PTPRO: variants seen among roughly 807,000 people sequenced by gnomAD.
PTPRO encodes protein tyrosine phosphatase receptor type O, also known as receptor-type tyrosine-protein phosphatase O.
Under a neutral mutation model 145.2 loss-of-function variants are expected in PTPRO, and 62 were observed. The observed-to-expected ratio is 0.43, with a 90% CI of 0.35 to 0.53. PTPRO has a LOEUF of 0.53. Ranked by LOEUF, PTPRO falls within the 20% of genes least tolerant of loss-of-function variation. The pLI is 0.01. For synonymous variants in PTPRO, 565 were observed against 514.7 expected (o/e 1.10, Z -1.32); for missense variants, 1,345 against 1,482.7 (o/e 0.91, Z 1.53).
At chr12:15,479,061 G>C (rs1048899911) in intron 1 of PTPRO, among the ~76,000 whole-genome samples, 3 of 152,162 alleles carry the variant, frequency 2.0e-5, no homozygotes, top group Non-Finnish European at 2.9e-5. Flanking sequence ...AGACTCCAGG[G>C]AGGAACAGAA....
intron 2 of PTPRO, 58 bp downstream of exon 2, chr12:15,484,305 G>A (rs764596394): frequency 4.3e-4 from 682 of 1,596,170 alleles, no homozygotes; most frequent in Non-Finnish European, 5.2e-4. Context: ...GTTTCTTCCC[G>A]TAGGGCTCGA....
intron 1 of PTPRO, among the ~76,000 whole-genome samples, chr12:15,367,456 A>C (rs2136252158): frequency 6.6e-6 from 1 of 152,362 alleles, no homozygotes; most frequent in Non-Finnish European, 1.5e-5. Context: ...TAGCTAGTAG[A>C]GTCATGGACT....
At chr12:15,376,320 C>G (rs1221453552) in intron 1 of PTPRO, among the ~76,000 whole-genome samples, 1 of 152,058 alleles carries the variant, frequency 6.6e-6, no homozygotes, top group East Asian at 1.9e-4. Flanking sequence ...GTTGAAAGAA[C>G]AATACTGTCA....
chr12:15,565,387 G>T, intron 17 of PTPRO: 1 of 456,148 alleles, frequency 2.2e-6, no homozygotes. Flanking sequence ...ATATGTTCAT[G>T]CAATCTAGTA....
rs1942373765 is a variant in PTPRO, at chr12:15,508,691, C to T, written c.1388C>T (p.Thr463Ile). 1 of 1,614,062 alleles carries T rather than the reference C, an allele frequency of 6.2e-7. No homozygotes were observed. The highest frequency in any genetic ancestry group is 8.5e-7 in the Non-Finnish European group (1 of 1,179,984). Residue 463 changes from threonine to isoleucine, a missense_variant, in exon 7 of 27, where the codon ACC becomes ATC. By Grantham distance (89) the Thr-to-Ile change is moderately conservative. Transcript: ENST00000281171. ...TCTTCCCAAGAGAACTACAACAGCA[C>T]CATTGTGTCTGTGGTGTCGCTGACC... ...WTSSQENYNSTIVSVVSLTCQ... is the reference protein window; with the variant it reads ...WTSSQENYNSIIVSVVSLTCQ...
chr12:15,413,906 T>TA lies in PTPRO; in HGVS notation c.76-70060dup, dbSNP rs200174808. Among the ~76,000 whole-genome samples the TA allele has an allele frequency of 7.7e-3, 1,170 of 151,980 alleles. 22 individuals are homozygous for TA. The highest frequency in any genetic ancestry group is 0.068 in the South Asian group (326 of 4,806). Reference sequence around the variant, plus strand: ...TCATTTGAGCAAAGCATTCCTCAGCTAAAAAAAACAAGTTTTAAAATTTCT... The same window carrying TA: ...TCATTTGAGCAAAGCATTCCTCAGCTAAAAAAAAACAAGTTTTAAAATTTCT... On this transcript the variant is annotated intron_variant, in intron 1 of 26. Coordinates refer to ENST00000281171, the MANE Select transcript of PTPRO (RefSeq NM_030667.3).
intron 6 of PTPRO, among the ~76,000 whole-genome samples, chr12:15,506,990 T>A (rs1942333472): frequency 6.6e-6 from 1 of 152,162 alleles, no homozygotes; most frequent in African/African-American, 2.4e-5. Flanking sequence ...TCATGCAGGG[T>A]TGAGAGCATG....
intron 25 of PTPRO, among the ~76,000 whole-genome samples, chr12:15,592,962 A>T (rs1327184258): frequency 1.3e-5 from 2 of 152,200 alleles, no homozygotes; most frequent in Non-Finnish European, 1.5e-5. Flanking sequence ...AAGTCCCTCC[A>T]TAAATAGTCT....
intron 1 of PTPRO, among the ~76,000 whole-genome samples, chr12:15,389,317 C>T (rs747551400): frequency 2.6e-4 from 40 of 151,872 alleles, no homozygotes; most frequent in Non-Finnish European, 4.7e-4. Flanking sequence ...CTGTGTTAGC[C>T]AGGATGGTCT....
chr12:15,390,707 G>A (rs1412340485), intron 1 of PTPRO, among the ~76,000 whole-genome samples: 1 of 152,178 alleles, frequency 6.6e-6, no homozygotes, highest in Non-Finnish European at 1.5e-5. Context: ...CTGGACTGGG[G>A]CAAAGCTAAT....
chr12:15,484,246 A>T lies in PTPRO; in HGVS notation c.348A>T (p.Thr116=). ...CATCCAGATCAATCACTGTGTTAACAAGTAAGCATCATGTGTAATATTGTC... is the reference window on the plus strand; with the variant it reads ...CATCCAGATCAATCACTGTGTTAACTAGTAAGCATCATGTGTAATATTGTC... The part of the protein sequence containing the change: ...TKPSRSITVL[T]KPLPVTSVSI... The change falls in exon 2 of 27, where the codon ACA becomes ACT. Residue 116 remains threonine, a splice_region_variant and synonymous_variant. Coordinates refer to ENST00000281171, the MANE Select transcript of PTPRO (RefSeq NM_030667.3). 3.7e-6 allele frequency: 6 copies of T among 1,613,340 alleles called. No individual in the cohort carries two copies. The highest frequency in any genetic ancestry group is 5.1e-6 in the Non-Finnish European group (6 of 1,179,540).
intron 1 of PTPRO, among the ~76,000 whole-genome samples, chr12:15,455,635 T>A (rs76416816): frequency 0.015 from 2,226 of 152,276 alleles, 60 homozygotes; most frequent in African/African-American, 0.05. Context: ...TTGCTTAATT[T>A]CCTTTTCAGA....
intron 1 of PTPRO, among the ~76,000 whole-genome samples, chr12:15,449,299 C>CCTAACAA (rs921273276): frequency 1.8e-4 from 27 of 152,230 alleles, no homozygotes; most frequent in African/African-American, 6.3e-4. Flanking sequence ...CAGGTGCATA[C>CCTAACAA]TCCTAAGCTT....
intron 23 of PTPRO, among the ~76,000 whole-genome samples, chr12:15,585,061 G>A (rs1225219001): frequency 6.6e-6 from 1 of 152,178 alleles, no homozygotes; most frequent in Non-Finnish European, 1.5e-5. Context: ...CCAGTTCCAG[G>A]ACCCCTGCCG....
intron 1 of PTPRO, among the ~76,000 whole-genome samples, chr12:15,420,332 T>G (rs1335666876): frequency 6.6e-6 from 1 of 151,524 alleles, no homozygotes; most frequent in Non-Finnish European, 1.5e-5. Context: ...TCAATCTGGT[T>G]CCACTCTCAT....
At chr12:15,569,641 G>C (rs1346169243) in intron 19 of PTPRO, 143 bp downstream of exon 19, 1 of 729,458 alleles carries the variant, frequency 1.4e-6, no homozygotes, top group Non-Finnish European at 2.3e-6. Flanking sequence ...TGCTGGTTTA[G>C]AGCAAGGGTT....
chr12:15,410,867 T>A (rs1433242537), intron 1 of PTPRO: 3 of 152,186 alleles, frequency 2.0e-5, no homozygotes, highest in Non-Finnish European at 4.4e-5. Context: ...ACAATAATAG[T>A]TTAAATCTTG....
At position 15,580,703 on chromosome 12, in the gene PTPRO, A is replaced by C. The variant is rs1944291920; in HGVS notation, c.3004A>C (p.Asn1002His). The part of the protein sequence containing the change: ...YINANYIPGY[N>H]SPQEYIATQG... ...TTTGTCACTTATCTTTCAGGGATAC[A>C]ACTCACCCCAGGAGTATATTGCCAC... Residue 1002 changes from asparagine (N) to histidine (H), a missense_variant, in exon 22 of 27, where the codon AAC becomes CAC. Physicochemically the swap from Asn to His is moderately conservative, Grantham distance 68. This residue lies in a region of PTPRO where 1,130 missense variants were observed against 1,214.7 expected (regional missense o/e 0.93). Transcript: ENST00000281171. 3 of 1,614,108 alleles carry C rather than the reference A, an allele frequency of 1.9e-6. No homozygotes were observed. The highest frequency in any genetic ancestry group is 2.5e-6 in the Non-Finnish European group (3 of 1,179,982).
At chr12:15,389,823 T>C (rs991369307) in intron 1 of PTPRO, among the ~76,000 whole-genome samples, 4 of 152,186 alleles carry the variant, frequency 2.6e-5, no homozygotes, top group Admixed American at 2.6e-4. Context: ...GCTCAAGAAA[T>C]TGAGAAGAAA....
Sources: allele counts gnomAD v4.1 joint callset (sites outside exome capture counted in the v4.1 genomes callset), GRCh38; gene constraint gnomAD v4.1.1; regional missense constraint gnomAD v4.1.1; transcripts MANE v1.5; gene names NCBI Gene and HGNC (gene_info 2026-07-23, HGNC 2026-07-21).